KMT5C: variants seen among roughly 807,000 people sequenced by gnomAD.
KMT5C encodes the protein histone-lysine N-methyltransferase KMT5C.
KMT5C carries 16 observed loss-of-function variants against 38.2 expected under a neutral mutation model. The observed-to-expected ratio is 0.42, with a 90% confidence interval of 0.28 to 0.64. The LOEUF is 0.64. Ranked by LOEUF, KMT5C falls within the 30% of genes least tolerant of loss-of-function variation. The pLI is 0.23. For synonymous variants in KMT5C, 291 were observed against 279.0 expected (o/e 1.04, Z -0.43); for missense variants, 598 against 665.1 (o/e 0.90, Z 1.11).
In KMT5C at chr19:55,345,316, G is replaced by A. The variant is rs1410279558; in HGVS notation, c.571-897G>A. ...CTTTGATCCGGCAGCAAGGCCTTGG[G>A]GTCCGGGCCAGGGAGCCATGGAAGC... is the stretch of plus-strand genomic sequence containing the variant. On this transcript the variant is annotated intron_variant, in intron 6 of 8. Coordinates refer to ENST00000255613, the MANE Select transcript of KMT5C (RefSeq NM_032701.4). The A allele has an allele frequency of 3.4e-5, 12 of 352,192 alleles. No homozygotes were observed. In the East Asian group the frequency reaches 8.3e-4, roughly 24 times the overall value. 21.8% of individuals were successfully genotyped at this position (352,192 alleles called of 1,614,324 possible).
rs1208376488 is a variant in KMT5C at position 55,341,510 on chromosome 19, G to T, written c.-143-284G>T. 1.7e-5 allele frequency: 3 copies of T among 178,444 alleles called. No individual in the cohort carries two copies. In the Admixed American group the frequency reaches 1.7e-4, roughly 10 times the overall value. The allele number at this position is 178,444 out of a possible 1,614,324, so 11.1% of individuals were successfully genotyped here. ...CTAAGCCTTTAGGGTGATCCCGGCT[G>T]CCAATCAGTCAGCCTTCTCTGGGCC... On this transcript the variant is annotated intron_variant, in intron 1 of 8. Transcript: ENST00000255613.
At chr19:55,340,685 C>T (rs1307917184) in intron 1 of KMT5C, among the ~76,000 whole-genome samples, 1 of 152,018 alleles carries the variant, frequency 6.6e-6, no homozygotes, top group Non-Finnish European at 1.5e-5. Flanking sequence ...AGGATCTTCT[C>T]CGCCATCCCT....
chr19:55,342,224 C>A lies in KMT5C; in HGVS notation c.120C>A (p.Pro40=), dbSNP rs1281548506. 1.2e-6 allele frequency: 2 copies of A among 1,609,776 alleles called. No homozygotes were observed. Among genetic ancestry groups the A allele is most frequent in the Non-Finnish European group, 1.7e-6 (2 of 1,178,860 alleles). The change falls in exon 3 of 9, where the codon CCC becomes CCA. Residue 40 remains proline, a synonymous_variant. Coordinates refer to ENST00000255613, the MANE Select transcript of KMT5C (RefSeq NM_032701.4). ...RTHKMNVSPV[P]PLRRQQHLRS... ...ATGCCCTCTCCCCCAGCCCTGTGCC[C>A]CCCCTGCGGCGACAGCAGCACCTGC... is the stretch of plus-strand genomic sequence containing the variant.
chr19:55,342,108 G>C (rs2089564211), intron 2 of KMT5C, 62 bp downstream of exon 2: 1 of 1,575,354 alleles, frequency 6.3e-7, no homozygotes, highest in Non-Finnish European at 8.7e-7. Context: ...TTGCACCGCT[G>C]CCGCCCCTCG....
At position 55,347,714 on chromosome 19, in the gene KMT5C, G is replaced by A. The variant is rs987489654; in HGVS notation, c.*265G>A. On this transcript the variant is annotated 3_prime_UTR_variant, in exon 9 of 9. Coordinates refer to ENST00000255613, the MANE Select transcript of KMT5C (RefSeq NM_032701.4). This position sits in a 1 kb window ranked among gnomAD's most constrained non-coding sequence, Gnocchi z 4.6. The stretch of plus-strand genomic sequence containing the variant: ...CCACCCCTGCCCCAGCCTCAGGACT[G>A]CAGGAGCCATCCGCCCCCCTCAGCC... 7.8e-6 allele frequency: 4 copies of A among 509,898 alleles called. No homozygotes were observed. The highest frequency in any genetic ancestry group is 9.9e-6 in the Non-Finnish European group (3 of 301,714). 31.6% of individuals were successfully genotyped at this position (509,898 alleles called of 1,614,324 possible).
rs1176901078 is a variant in KMT5C at position 55,347,391 on chromosome 19, T to C, written c.1331T>C (p.Leu444Pro). Residue 444 changes from leucine (L) to proline (P), a missense_variant, in exon 9 of 9, where the codon CTA becomes CCA. Transcript: ENST00000255613. This position sits in a 1 kb window ranked among gnomAD's most constrained non-coding sequence, Gnocchi z 4.6. ...AFAPFSPPKR[L>P]RLVVSHGSID... is the part of the protein sequence containing the mutation. ...GCCCCCTTCTCCCCACCCAAGCGCC[T>C]ACGGCTGGTGGTCAGCCACGGCTCC... 1.3e-6 allele frequency: 2 copies of C among 1,580,344 alleles called. No homozygotes were observed. Among genetic ancestry groups the C allele is most frequent in the African/African-American group, 1.4e-5 (1 of 73,958 alleles).
In KMT5C at chr19:55,347,023, G is replaced by A; in HGVS notation, c.963G>A (p.Gln321=). 6.8e-7 allele frequency: 1 copy of A among 1,470,802 alleles called. No homozygotes were observed. The highest frequency in any genetic ancestry group is 9.4e-7 in the Non-Finnish European group (1 of 1,065,556). The allele number at this position is 1,470,802 out of a possible 1,614,324, so 91.1% of individuals were successfully genotyped here. ...ARPDTSPLWL[Q]WLPQPQPRVR... ...CAGACACCTCACCCCTCTGGCTCCA[G>A]TGGCTGCCTCAGCCCCAGCCCCGAG... Residue 321 remains glutamine (Q), a synonymous_variant, in exon 9 of 9, where the codon CAG becomes CAA. Transcript: ENST00000255613. This position sits in a 1 kb window ranked among gnomAD's most constrained non-coding sequence, Gnocchi z 4.6.
rs2089567376 is a variant in KMT5C at position 55,342,286 on chromosome 19, T to C, written c.182T>C (p.Leu61Pro). The change falls in exon 3 of 9, where the codon CTG becomes CCG. Residue 61 changes from leucine (L) to proline (P), a missense_variant. Physicochemically the swap from Leu to Pro is moderately conservative, Grantham distance 98. Transcript: ENST00000255613. ...GAAACTTTCCTGAGGCAGCGGGACC[T>C]GGAGGCTGCGTACCGGGCCCTGACG... ...ALETFLRQRD[L>P]EAAYRALTLG... 1.2e-6 allele frequency: 2 copies of C among 1,603,248 alleles called. No homozygotes were observed. Among genetic ancestry groups the C allele is most frequent in the Non-Finnish European group, 1.7e-6 (2 of 1,176,210 alleles).
intron 6 of KMT5C, chr19:55,345,002 T>C (rs2089601545): frequency 2.2e-6 from 1 of 457,970 alleles, no homozygotes; most frequent in Non-Finnish European, 4.4e-6. Context: ...CGGAGGGTTT[T>C]GGACAGCGAA....
rs535190708 is a variant in KMT5C, at chr19:55,342,597, A to G, written c.277-145A>G. 45 of 646,026 alleles carry G rather than the reference A, an allele frequency of 7.0e-5. No homozygotes were observed. The East Asian group carries it at 1.2e-3, about 18-fold the overall frequency. The allele number at this position is 646,026 out of a possible 1,614,324, so 40.0% of individuals were successfully genotyped here. A position where few individuals can be genotyped will look rare whatever the true frequency, so the allele number is the denominator to read the frequency against. ...GTAGTCCAACCTCTTCATTTGACGG[A>G]TGAGGAAACTGAGGCCCCGAGAGGG... On this transcript the variant is annotated intron_variant, in intron 3 of 8. Coordinates refer to ENST00000255613, the MANE Select transcript of KMT5C (RefSeq NM_032701.4).
Position 55,346,646 on chromosome 19 carries a change from C to G in KMT5C, c.854C>G (p.Ala285Gly). The G allele has an allele frequency of 6.3e-7, 1 of 1,575,632 alleles. No individual in the cohort carries two copies. Among genetic ancestry groups the G allele is most frequent in the Non-Finnish European group, 8.6e-7 (1 of 1,161,554 alleles). ...CGACAGGGCCTGCTGGGCCCTCGGG[C>G]CTGCGTGCACCCATCCCCGCTGCGC... ...GSRQGLLGPRACVHPSPLRRD... is the reference protein window; with the variant it reads ...GSRQGLLGPRGCVHPSPLRRD... The change falls in exon 8 of 9, where the codon GCC becomes GGC. Residue 285 changes from alanine (A) to glycine (G), a missense_variant. By Grantham distance (60) the Ala-to-Gly change is moderately conservative. Transcript: ENST00000255613.
chr19:55,347,416 C>A lies in KMT5C; in HGVS notation c.1356C>A (p.Ser452=). 6.4e-7 allele frequency: 1 copy of A among 1,561,944 alleles called. No homozygotes were observed. ...KRLRLVVSHG[S]IDLDVGGEEL ...TACGGCTGGTGGTCAGCCACGGCTC[C>A]ATCGACCTGGATGTCGGCGGTGAAG... The change falls in exon 9 of 9, where the codon TCC becomes TCA. Residue 452 remains serine (S), a synonymous_variant. Coordinates refer to ENST00000255613, the MANE Select transcript of KMT5C (RefSeq NM_032701.4). This position sits in a 1 kb window ranked among gnomAD's most constrained non-coding sequence, Gnocchi z 4.6.
At chr19:55,340,658 T>C (rs2089546306) in intron 1 of KMT5C, among the ~76,000 whole-genome samples, 1 of 151,736 alleles carries the variant, frequency 6.6e-6, no homozygotes. Flanking sequence ...CTCAGGCCCT[T>C]CACTCACTGG....
At position 55,342,104 on chromosome 19, in the gene KMT5C, C is replaced by T. The variant is rs147312763; in HGVS notation, c.110+58C>T. 1.2e-3 allele frequency: 1,915 copies of T among 1,572,560 alleles called. 17 individuals are homozygous for T. In the African/African-American group the frequency reaches 0.022, roughly 18 times the overall value. ...GGGGTCAGGACCCCTCCCCTTGCAC[C>T]GCTGCCGCCCCTCGGCCCTCTCCTT... On this transcript the variant is annotated intron_variant, in intron 2 of 8. Transcript: ENST00000255613.
Position 55,347,445 on chromosome 19 carries a change from T to C in KMT5C, c.1385T>C (p.Leu462Pro). 1 of 1,533,808 alleles carries C rather than the reference T, an allele frequency of 6.5e-7. No homozygotes were observed. The highest frequency in any genetic ancestry group is 8.7e-7 in the Non-Finnish European group (1 of 1,146,834). ...GACCTGGATGTCGGCGGTGAAGAGC[T>C]GTGACAGGCCGGACGGGGAGGCCCA... ...SIDLDVGGEE[L>P] The change falls in exon 9 of 9, where the codon CTG becomes CCG. Residue 462 changes from leucine (L) to proline (P), a missense_variant. By Grantham distance (98) the Leu-to-Pro change is moderately conservative. Transcript: ENST00000255613. This position sits in a 1 kb window ranked among gnomAD's most constrained non-coding sequence, Gnocchi z 4.6.
At chr19:55,346,715 A>G in intron 8 of KMT5C, 28 bp downstream of exon 8, 1 of 1,506,022 alleles carries the variant, frequency 6.6e-7, no homozygotes, top group Non-Finnish European at 8.9e-7. Context: ...CCATCCCAGC[A>G]GCCCCTCCCC....
intron 6 of KMT5C, among the ~76,000 whole-genome samples, chr19:55,345,656 C>T (rs76848709): frequency 0.036 from 5,499 of 152,168 alleles, 326 homozygotes; most frequent in African/African-American, 0.12. Context: ...CCCTCCTAGA[C>T]GGGGAACAGG....
chr19:55,347,399 G>C lies in KMT5C; in HGVS notation c.1339G>C (p.Val447Leu). Reference sequence around the variant, plus strand: ...CTCCCCACCCAAGCGCCTACGGCTGGTGGTCAGCCACGGCTCCATCGACCT... The same window carrying C: ...CTCCCCACCCAAGCGCCTACGGCTGCTGGTCAGCCACGGCTCCATCGACCT... ...PFSPPKRLRL[V>L]VSHGSIDLDV... The change falls in exon 9 of 9, where the codon GTG (valine) becomes CTG (leucine). Residue 447 changes from valine to leucine, a missense_variant. Physicochemically the swap from Val to Leu is conservative, Grantham distance 32 (BLOSUM62 1). Around this residue, in one of 3 missense-constraint regions of KMT5C, gnomAD observed 326 missense variants for 298.1 expected, o/e 1.09. Coordinates refer to ENST00000255613, the MANE Select transcript of KMT5C (RefSeq NM_032701.4). The surrounding 1 kb of genome is among the most constrained non-coding windows in gnomAD (Gnocchi z 4.6). 6.3e-7 allele frequency: 1 copy of C among 1,577,730 alleles called. No homozygotes were observed. Among genetic ancestry groups the C allele is most frequent in the Non-Finnish European group, 8.6e-7 (1 of 1,168,758 alleles).
rs137883545 is a variant in KMT5C, at chr19:55,343,800, G to T, written c.507G>T (p.Arg169=). 7.3e-4 allele frequency: 1,186 copies of T among 1,613,648 alleles called. 1 individual carries two copies. Among genetic ancestry groups the T allele is most frequent in the Non-Finnish European group, 9.3e-4 (1,098 of 1,179,856 alleles). The change falls in exon 5 of 9, where the codon CGG becomes CGT. Residue 169 remains arginine (R), a synonymous_variant. Coordinates refer to ENST00000255613, the MANE Select transcript of KMT5C (RefSeq NM_032701.4). This position sits in a 1 kb window ranked among gnomAD's most constrained non-coding sequence, Gnocchi z 5.5. ...GCATCATGTACTCAACCCGCAAGCGGAGTGCTCAGCTGTGGCTGGGCCCAG... is the reference window on the plus strand; with the variant it reads ...GCATCATGTACTCAACCCGCAAGCGTAGTGCTCAGCTGTGGCTGGGCCCAG... ...DFSIMYSTRK[R]SAQLWLGPAA...
Sources: allele counts gnomAD v4.1 joint callset (sites outside exome capture counted in the v4.1 genomes callset), GRCh38; gene constraint gnomAD v4.1.1; regional missense constraint gnomAD v4.1.1; non-coding constraint Gnocchi (gnomAD v3.1); transcripts MANE v1.5; gene names NCBI Gene and HGNC (gene_info 2026-07-23, HGNC 2026-07-21).